The following CCDC50 variants were observed in gnomAD, a reference collection of about 807,000 sequenced individuals.
CCDC50 encodes the protein coiled-coil domain-containing protein 50.
Under a neutral mutation model 70.2 loss-of-function variants are expected in CCDC50, and 54 were observed. The ratio of observed to expected loss-of-function variants is 0.77; its 90% CI spans 0.62 to 0.96. CCDC50 has a LOEUF of 0.96. Among genes scored for constraint, CCDC50 ranks in the 50% least tolerant of loss-of-function variants. The pLI, the probability that CCDC50 is intolerant of heterozygous loss-of-function variation, is 0.00. For missense variants in CCDC50, 558 were observed against 578.7 expected (o/e 0.96, Z 0.37); for synonymous variants, 216 against 198.8 (o/e 1.09, Z -0.73).
At chr3:191,334,748 G>A (rs1364496625) in intron 1 of CCDC50, among the ~76,000 whole-genome samples, 3 of 152,020 alleles carry the variant, frequency 2.0e-5, no homozygotes, top group Non-Finnish European at 4.4e-5. Flanking sequence ...AGATGCGAAA[G>A]ATTCATTTCT....
intron 1 of CCDC50, among the ~76,000 whole-genome samples, chr3:191,331,290 C>A (rs183410017): frequency 9.6e-4 from 146 of 152,266 alleles, no homozygotes; most frequent in African/African-American, 3.3e-3. Context: ...ATCCCCTATT[C>A]ATGTGAGTGA....
At chr3:191,350,367 C>A (rs1017411527) in intron 1 of CCDC50, among the ~76,000 whole-genome samples, 2 of 141,758 alleles carry the variant, frequency 1.4e-5, no homozygotes, top group Admixed American at 7.2e-5. Flanking sequence ...CTCTGCTACT[C>A]ATAGCATTTA....
chr3:191,345,777 C>G (rs1426536207), intron 1 of CCDC50, among the ~76,000 whole-genome samples: 1 of 151,968 alleles, frequency 6.6e-6, no homozygotes, highest in Non-Finnish European at 1.5e-5. Context: ...TGATAAATTA[C>G]GTGAGAATGA....
In CCDC50 at chr3:191,375,324, G is replaced by C. The variant is rs1157374535; in HGVS notation, c.711G>C (p.Leu237=). The C allele has an allele frequency of 6.2e-7, 1 of 1,613,622 alleles. No individual in the cohort carries two copies. The highest frequency in any genetic ancestry group is 1.7e-5 in the Admixed American group (1 of 59,940). The stretch of plus-strand genomic sequence containing the variant: ...CTCAGGAGAGGCCTCGGAGACCTCT[G>C]CTTCCCACGATCAGTGGTGAAGTGT... ...RSTQERPRRP[L]LPTISGEVFL... The change falls in exon 6 of 12, where the codon CTG becomes CTC. Residue 237 remains leucine, a synonymous_variant. Transcript: ENST00000392455.
chr3:191,341,459 C>T (rs1447618259), intron 1 of CCDC50, among the ~76,000 whole-genome samples: 1 of 152,182 alleles, frequency 6.6e-6, no homozygotes, highest in East Asian at 1.9e-4. Flanking sequence ...CTGATCTGTA[C>T]TCAAGATACT....
intron 7 of CCDC50, 91 bp downstream of exon 7, chr3:191,380,365 T>C: frequency 1.2e-6 from 1 of 836,030 alleles, no homozygotes; most frequent in Non-Finnish European, 2.0e-6. Flanking sequence ...AATAGTCCTC[T>C]ATCAATTGAG....
chr3:191,347,902 C>T (rs1157323330), intron 1 of CCDC50, among the ~76,000 whole-genome samples: 1 of 141,964 alleles, frequency 7.0e-6, no homozygotes, highest in African/African-American at 2.5e-5. Context: ...CGTCATTGTT[C>T]TCAGGATCCA....
At chr3:191,381,380 T>G (rs1713313436) in intron 9 of CCDC50, among the ~76,000 whole-genome samples, 1 of 152,190 alleles carries the variant, frequency 6.6e-6, no homozygotes, top group Non-Finnish European at 1.5e-5. Flanking sequence ...TGTGGCAGAC[T>G]GAAAGATACA....
chr3:191,332,011 A>G (rs974211030), intron 1 of CCDC50, among the ~76,000 whole-genome samples: 4 of 152,194 alleles, frequency 2.6e-5, no homozygotes, highest in African/African-American at 7.2e-5. Flanking sequence ...ATAGATATAT[A>G]TGCAGTTACA....
Position 191,357,995 on chromosome 3 carries a change from C to G in CCDC50, c.113-3C>G, listed in dbSNP as rs1261249491. The G allele has an allele frequency of 6.2e-7, 1 of 1,613,824 alleles. No homozygotes were observed. The highest frequency in any genetic ancestry group is 2.2e-5 in the East Asian group (1 of 44,880). On this transcript the variant is annotated splice_polypyrimidine_tract_variant and splice_region_variant and intron_variant, in intron 2 of 11. Coordinates refer to ENST00000392455, the MANE Select transcript of CCDC50 (RefSeq NM_178335.3). ...ATTCCTGTCCTCAATCTTTTTGTTC[C>G]AGTTGAGCATCATTTGGCATCGAAC...
At chr3:191,335,763 C>G (rs887603387) in intron 1 of CCDC50, among the ~76,000 whole-genome samples, 1 of 152,094 alleles carries the variant, frequency 6.6e-6, no homozygotes, top group African/African-American at 2.4e-5. Context: ...GTGGTTCTTT[C>G]CTTTTTCTTT....
chr3:191,333,690 A>T (rs1718058739), intron 1 of CCDC50, among the ~76,000 whole-genome samples: 1 of 152,030 alleles, frequency 6.6e-6, no homozygotes. Flanking sequence ...GTGTGAATAA[A>T]TGAATGAGTG....
In CCDC50 at chr3:191,349,748, G is replaced by GT. The variant is rs1333493368; in HGVS notation, c.50-7334dup. ...TACAATTAAGAAACTTTTTATTCCT[G>GT]TTTTTTCAGGTGTAAATATAGGCCG... On this transcript the variant is annotated intron_variant, in intron 1 of 11. Transcript: ENST00000392455. Among the ~76,000 whole-genome samples the GT allele has an allele frequency of 2.1e-5, 3 of 141,176 alleles. No homozygotes were observed. In the East Asian group the frequency reaches 5.8e-4, roughly 27 times the overall value. 92.6% of individuals were successfully genotyped at this position (141,176 alleles called of 152,430 possible).
chr3:191,391,804 A>G lies in CCDC50; in HGVS notation c.*44A>G, dbSNP rs1388414163. On this transcript the variant is annotated 3_prime_UTR_variant, in exon 12 of 12. Coordinates refer to ENST00000392455, the MANE Select transcript of CCDC50 (RefSeq NM_178335.3). The stretch of plus-strand genomic sequence containing the variant: ...TGAAAATGGACTCACTATAGCAAAT[A>G]TTACTGGGTGATACAGAATGAATTC... The G allele has an allele frequency of 6.5e-7, 1 of 1,546,436 alleles. No individual in the cohort carries two copies. The highest frequency in any genetic ancestry group is 1.4e-5 in the African/African-American group (1 of 73,514).
At chr3:191,390,308 AT>A (rs1327745223) in intron 11 of CCDC50, among the ~76,000 whole-genome samples, 1 of 151,770 alleles carries the variant, frequency 6.6e-6, no homozygotes, top group African/African-American at 2.4e-5. Flanking sequence ...CAAAAGAAAA[AT>A]GGAACAAAGC....
At chr3:191,370,068 C>A in intron 5 of CCDC50, 32 bp downstream of exon 5, 1 of 1,424,600 alleles carries the variant, frequency 7.0e-7, no homozygotes, top group Non-Finnish European at 9.9e-7. Flanking sequence ...TCTATTCTAT[C>A]CTTAGACTCA....
intron 6 of CCDC50, among the ~76,000 whole-genome samples, chr3:191,377,677 T>G (rs1012034490): frequency 1.6e-4 from 25 of 152,130 alleles, no homozygotes; most frequent in Non-Finnish European, 4.4e-5. Flanking sequence ...GAATCTATCA[T>G]TTTACCTTAT....
At chr3:191,387,893 C>A (rs1713553002) in intron 10 of CCDC50, among the ~76,000 whole-genome samples, 1 of 152,050 alleles carries the variant, frequency 6.6e-6, no homozygotes, top group African/African-American at 2.4e-5. Context: ...TAACTACTAA[C>A]CCTGTTTTCT....
chr3:191,333,313 A>G (rs962109272), intron 1 of CCDC50, among the ~76,000 whole-genome samples: 4 of 152,208 alleles, frequency 2.6e-5, no homozygotes, highest in African/African-American at 7.2e-5. Context: ...AGGGCACTCC[A>G]GTGGCATAAT....
Sources: allele counts gnomAD v4.1 joint callset (sites outside exome capture counted in the v4.1 genomes callset), GRCh38; gene constraint gnomAD v4.1.1; transcripts MANE v1.5; gene names NCBI Gene and HGNC (gene_info 2026-07-23, HGNC 2026-07-21).